The following DMD variants were observed in gnomAD, a reference collection of about 807,000 sequenced individuals.
DMD encodes mutant dystrophin.
A neutral mutation model predicts 330.1 loss-of-function variants in DMD; 63 were observed. That is an observed-to-expected ratio of 0.19 (90% CI 0.16 to 0.24). The LOEUF (loss-of-function observed/expected upper bound fraction) is 0.24. Ranked by LOEUF, DMD falls within the 10% of genes least tolerant of loss-of-function variation. DMD has a pLI of 1.00. For missense variants in DMD, 3,344 were observed against 2,684.1 expected (o/e 1.25, Z -5.43); for synonymous variants, 1,223 against 959.8 (o/e 1.27, Z -5.07).
At chrX:31,942,896 C>A (rs2095025460) in intron 45 of DMD, among the ~76,000 whole-genome samples, 1 of 111,887 alleles carries the variant, frequency 8.9e-6, no homozygotes, top group East Asian at 2.8e-4. Flanking sequence ...AACATTATTT[C>A]ATAGTAGTCT....
chrX:31,285,323 G>T (rs1265672061), intron 62 of DMD, among the ~76,000 whole-genome samples: 1 of 112,185 alleles, frequency 8.9e-6, no homozygotes, highest in African/African-American at 3.2e-5. Flanking sequence ...CCATATTTAG[G>T]CTGTTAGGAC....
At chrX:32,806,120 T>A (rs2076925227) in intron 7 of DMD, among the ~76,000 whole-genome samples, 1 of 111,995 alleles carries the variant, frequency 8.9e-6, no homozygotes, top group South Asian at 3.7e-4. Context: ...AATGCCCCAA[T>A]TAAAAGACAC....
At chrX:32,279,613 AC>A (rs1315682483) in intron 43 of DMD, among the ~76,000 whole-genome samples, 2 of 105,966 alleles carry the variant, frequency 1.9e-5, no homozygotes, top group East Asian at 6.1e-4. Flanking sequence ...AAAAATCAAA[AC>A]AACTGAACAC....
At chrX:32,734,700 G>A (rs1395810817) in intron 7 of DMD, among the ~76,000 whole-genome samples, 1 of 109,798 alleles carries the variant, frequency 9.1e-6, no homozygotes, top group Non-Finnish European at 1.9e-5. Context: ...AAAGGCCTTT[G>A]ACAAAATTCA....
intron 2 of DMD, among the ~76,000 whole-genome samples, chrX:32,972,000 T>C (rs919043506): frequency 3.6e-5 from 4 of 111,230 alleles, no homozygotes; most frequent in Admixed American, 1.9e-4. Flanking sequence ...ACGTTATCTA[T>C]AGGGAAATCT....
At chrX:32,586,594 A>G in intron 13 of DMD, among the ~76,000 whole-genome samples, 1 of 110,288 alleles carries the variant, frequency 9.1e-6, no homozygotes, top group Middle Eastern at 4.8e-3. Context: ...ACAGGTACGA[A>G]TACATTACTG....
At chrX:31,852,923 G>A (rs1031733362) in intron 48 of DMD, among the ~76,000 whole-genome samples, 5 of 112,014 alleles carry the variant, frequency 4.5e-5, no homozygotes, top group African/African-American at 1.3e-4. Flanking sequence ...TCGCTCTGTC[G>A]CCCAGGCTGG....
intron 54 of DMD, among the ~76,000 whole-genome samples, chrX:31,646,756 C>A (rs2080128191): frequency 8.9e-6 from 1 of 112,197 alleles, no homozygotes; most frequent in Non-Finnish European, 1.9e-5. Flanking sequence ...AGGTCCAGAT[C>A]CCTTGCTTCA....
intron 1 of DMD, among the ~76,000 whole-genome samples, chrX:33,077,814 T>G (rs1031976165): frequency 7.1e-5 from 8 of 112,381 alleles, no homozygotes; most frequent in African/African-American, 2.3e-4. Context: ...AGAATTAACC[T>G]CAAGAATAGC....
chrX:32,620,361 G>T (rs2057901235), intron 11 of DMD, among the ~76,000 whole-genome samples: 2 of 111,425 alleles, frequency 1.8e-5, no homozygotes, highest in South Asian at 3.8e-4. Context: ...CTCCATAGCT[G>T]GTCCGAAGTA....
At chrX:32,222,849 A>G (rs2097136323) in intron 43 of DMD, among the ~76,000 whole-genome samples, 1 of 111,998 alleles carries the variant, frequency 8.9e-6, no homozygotes, top group African/African-American at 3.2e-5. Context: ...TGAAATCTGA[A>G]TCATTATTTC....
intron 11 of DMD, among the ~76,000 whole-genome samples, chrX:32,630,713 T>C (rs2058677268): frequency 8.9e-6 from 1 of 111,896 alleles, no homozygotes; most frequent in Non-Finnish European, 1.9e-5. Flanking sequence ...ATGTGTAGGA[T>C]TCTGAATTCC....
chrX:32,010,428 T>A (rs1055643149), intron 44 of DMD, among the ~76,000 whole-genome samples: 2 of 111,387 alleles, frequency 1.8e-5, no homozygotes, highest in Non-Finnish European at 3.8e-5. Flanking sequence ...AATCAGACAC[T>A]CTCTCTCCCC....
intron 1 of DMD, among the ~76,000 whole-genome samples, chrX:33,234,391 C>T (rs1252974628): frequency 9.1e-6 from 1 of 109,818 alleles, no homozygotes; most frequent in Admixed American, 9.8e-5. Context: ...GTGTGTGTGT[C>T]TGTGTGTATT....
intron 30 of DMD, among the ~76,000 whole-genome samples, chrX:32,404,343 G>A (rs2098105111): frequency 1.8e-5 from 2 of 111,620 alleles, no homozygotes; most frequent in Admixed American, 9.6e-5. Context: ...CTAGCTTGGT[G>A]AGCAAACCAC....
At chrX:31,511,309 ATTTT>A (rs1473350525) in intron 55 of DMD, among the ~76,000 whole-genome samples, 5 of 85,644 alleles carry the variant, frequency 5.8e-5, no homozygotes, top group Non-Finnish European at 9.1e-5. Flanking sequence ...TAAACTCATC[ATTTT>A]TTATTTATTT....
At chrX:31,366,841 C>T (rs1342896791) in intron 60 of DMD, among the ~76,000 whole-genome samples, 2 of 108,616 alleles carry the variant, frequency 1.8e-5, no homozygotes, top group Non-Finnish European at 3.8e-5. Flanking sequence ...TTCTTCTATT[C>T]AAAGACATTT....
At chrX:31,828,952 A>G (rs751431739) in intron 49 of DMD, among the ~76,000 whole-genome samples, 9 of 112,021 alleles carry the variant, frequency 8.0e-5, no homozygotes, top group African/African-American at 9.7e-5. Context: ...TAGCAGCACA[A>G]TTTGCAATTG....
chrX:32,261,544 G>A (rs1175747134), intron 43 of DMD, among the ~76,000 whole-genome samples: 5 of 111,976 alleles, frequency 4.5e-5, no homozygotes, highest in African/African-American at 1.6e-4. Flanking sequence ...ACAGGTTATA[G>A]GAATCAAAGT....
Sources: allele counts gnomAD v4.1 joint callset (sites outside exome capture counted in the v4.1 genomes callset), GRCh38; gene constraint gnomAD v4.1.1; transcripts MANE v1.5; gene names NCBI Gene and HGNC (gene_info 2026-07-23, HGNC 2026-07-21).